EGF: variants seen among roughly 807,000 people sequenced by gnomAD.
EGF encodes the protein pro-epidermal growth factor.
A neutral mutation model predicts 143.8 loss-of-function variants in EGF; 95 were observed. That is an observed-to-expected ratio of 0.66 (90% confidence interval 0.56 to 0.78). EGF has a LOEUF of 0.78. EGF is among the 30% of genes least tolerant of loss of function. The pLI is 0.00. For missense variants in EGF, 1,320 were observed against 1,470.9 expected (o/e 0.90, Z 1.68); for synonymous variants, 510 against 510.5 (o/e 1.00, Z 0.01).
intron 10 of EGF, among the ~76,000 whole-genome samples, chr4:109,966,157 A>G (rs1326948422): frequency 1.3e-5 from 2 of 152,052 alleles, no homozygotes; most frequent in Non-Finnish European, 2.9e-5. Flanking sequence ...TCACCTGAAT[A>G]GTGAACATTG....
chr4:109,994,682 A>G lies in EGF; in HGVS notation c.2858-51A>G, dbSNP rs750521155. 26 of 1,597,692 alleles carry G rather than the reference A, an allele frequency of 1.6e-5. No individual in the cohort carries two copies. In the African/African-American group the frequency reaches 2.0e-4, roughly 12 times the overall value. On this transcript the variant is annotated intron_variant, in intron 19 of 23. Transcript: ENST00000265171. ...AACTAGTTCCTCATATTGATACTTGAAAGACACTAATCCATTCAGAAAGTA... is the reference window on the plus strand; with the variant it reads ...AACTAGTTCCTCATATTGATACTTGGAAGACACTAATCCATTCAGAAAGTA...
At chr4:109,989,945 A>G (rs1187574664) in intron 18 of EGF, among the ~76,000 whole-genome samples, 1 of 151,942 alleles carries the variant, frequency 6.6e-6, no homozygotes, top group Non-Finnish European at 1.5e-5. Context: ...CCCGCCCCAT[A>G]TATATATGTA....
At chr4:109,949,648 T>A (rs559017860) in intron 5 of EGF, among the ~76,000 whole-genome samples, 1 of 152,100 alleles carries the variant, frequency 6.6e-6, no homozygotes, top group East Asian at 1.9e-4. Flanking sequence ...CTAGACAAAT[T>A]TTTTTAAAAA....
chr4:109,968,703 TCTATCTACCTAC>T, intron 10 of EGF: 1 of 399,226 alleles, frequency 2.5e-6, no homozygotes, highest in Non-Finnish European at 4.4e-6. Context: ...TATCTATCTA[TCTATCTACCTAC>T]CTACCTACCT....
chr4:109,969,883 C>T (rs1404047347), intron 11 of EGF, among the ~76,000 whole-genome samples: 1 of 152,148 alleles, frequency 6.6e-6, no homozygotes, highest in Non-Finnish European at 1.5e-5. Context: ...TAGGGCCACA[C>T]ATAAATAATT....
chr4:109,962,112 T>C, intron 8 of EGF, 127 bp downstream of exon 8: 1 of 1,453,928 alleles, frequency 6.9e-7, no homozygotes, highest in East Asian at 2.4e-5. Context: ...AAAGATATTG[T>C]TACAACAGAT....
intron 1 of EGF, among the ~76,000 whole-genome samples, chr4:109,914,578 A>T (rs752599054): frequency 5.9e-5 from 9 of 152,198 alleles, no homozygotes; most frequent in Non-Finnish European, 1.3e-4. Flanking sequence ...AGGTGAGCAG[A>T]ACTCTAGGGT....
intron 15 of EGF, among the ~76,000 whole-genome samples, chr4:109,982,382 C>T (rs922179002): frequency 4.6e-5 from 7 of 151,818 alleles, no homozygotes; most frequent in Admixed American, 3.3e-4. Flanking sequence ...GGCTGGAGTG[C>T]AGTGGCAAGA....
intron 1 of EGF, among the ~76,000 whole-genome samples, chr4:109,918,255 GTT>G (rs36009201): frequency 9.1e-5 from 13 of 143,456 alleles, no homozygotes; most frequent in African/African-American, 2.6e-4. Context: ...GCTAGGTGTG[GTT>G]TTTTTTTTTT....
chr4:110,010,134 C>T (rs1324148184), intron 23 of EGF, among the ~76,000 whole-genome samples: 5 of 152,164 alleles, frequency 3.3e-5, no homozygotes, highest in African/African-American at 1.2e-4. Context: ...TGGTGCACAC[C>T]TGTAGTCCCA....
At chr4:109,966,521 T>C (rs1746627960) in intron 10 of EGF, among the ~76,000 whole-genome samples, 1 of 152,156 alleles carries the variant, frequency 6.6e-6, no homozygotes, top group African/African-American at 2.4e-5. Flanking sequence ...CAGGTGTCTT[T>C]TTGATATAAT....
chr4:109,992,765 C>T (rs1751163134), intron 18 of EGF, among the ~76,000 whole-genome samples: 1 of 151,876 alleles, frequency 6.6e-6, no homozygotes, highest in South Asian at 2.1e-4. Context: ...TACTATGCAA[C>T]CATAAAAAAT....
At chr4:109,978,417 T>C (rs1748837298) in intron 13 of EGF, among the ~76,000 whole-genome samples, 1 of 152,248 alleles carries the variant, frequency 6.6e-6, no homozygotes, top group Non-Finnish European at 1.5e-5. Context: ...ACACTATAGC[T>C]AATTCTAACA....
intron 7 of EGF, 42 bp from the exon 8 acceptor site, chr4:109,961,821 C>T (rs1578268815): frequency 6.2e-7 from 1 of 1,610,908 alleles, no homozygotes; most frequent in Non-Finnish European, 8.5e-7. Context: ...TTTTTGCAAA[C>T]CCGATTTAAC....
Position 110,004,568 on chromosome 4 carries a change from G to GAGTCGC in EGF, c.3240_3245dup (p.Ser1080_Arg1081dup). 1 of 1,614,046 alleles carries GAGTCGC rather than the reference G, an allele frequency of 6.2e-7. No homozygotes were observed. Among genetic ancestry groups the GAGTCGC allele is most frequent in the South Asian group, 1.1e-5 (1 of 91,076 alleles). ...ATGAGGAGTCGAGCAGAGATGTGAG[G>GAGTCGC]AGTCGCAGGCCTGCTGACACTGAGG... On this transcript the variant is annotated inframe_insertion, in exon 22 of 24. Transcript: ENST00000265171.
rs115396821 is a variant in EGF, at chr4:109,969,118, G to A, written c.1723G>A (p.Gly575Arg). The A allele has an allele frequency of 2.8e-3, 4,570 of 1,614,150 alleles. 6 individuals are homozygous for A. The highest frequency in any genetic ancestry group is 3.7e-3 in the Non-Finnish European group (4,330 of 1,180,016). ...CCGTAGATTCTATTGGACAGACAGAGGGTATGTTTTCTGCTTCAGTTTTAA... is the reference window on the plus strand; with the variant it reads ...CCGTAGATTCTATTGGACAGACAGAAGGTATGTTTTCTGCTTCAGTTTTAA... ...IGRRFYWTDR[G>R]KSLIGRSDLN... The change falls in exon 11 of 24, where the codon GGG becomes AGG. Residue 575 changes from glycine to arginine, a missense_variant and splice_region_variant. By Grantham distance (125) the Gly-to-Arg change is moderately radical (BLOSUM62 -2). Around this residue, in one of 5 missense-constraint regions of EGF, gnomAD observed 1,186 missense variants for 1,313.7 expected, o/e 0.90. Coordinates refer to ENST00000265171, the MANE Select transcript of EGF (RefSeq NM_001963.6).
At position 109,945,251 on chromosome 4, in the gene EGF, G is replaced by A; in HGVS notation, c.916G>A (p.Ala306Thr). The change falls in exon 5 of 24, where the codon GCA (alanine) becomes ACA (threonine). Residue 306 changes from alanine (A) to threonine (T), a missense_variant. Physicochemically the swap from Ala to Thr is moderately conservative, Grantham distance 58. This residue lies in a region of EGF where 1,186 missense variants were observed against 1,313.7 expected (regional missense o/e 0.90). Transcript: ENST00000265171. ...AGTGCATCCACTTGCACAACCCAAG[G>A]CAGAAGATGACACTTGGGAGCCTGG... ...KVVHPLAQPK[A>T]EDDTWEPEQK... 6.2e-7 allele frequency: 1 copy of A among 1,614,006 alleles called. No individual in the cohort carries two copies. Among genetic ancestry groups the A allele is most frequent in the Non-Finnish European group, 8.5e-7 (1 of 1,180,000 alleles).
chr4:109,922,553 G>T (rs1737984988), intron 1 of EGF, among the ~76,000 whole-genome samples: 1 of 151,664 alleles, frequency 6.6e-6, no homozygotes, highest in Non-Finnish European at 1.5e-5. Context: ...TCAAACAAAG[G>T]ATACATTTTA....
rs1482051595 is a variant in EGF, at chr4:109,912,941, A to G, written c.-395A>G. On this transcript the variant is annotated 5_prime_UTR_variant, in exon 1 of 24. Transcript: ENST00000265171. ...CTCCATATTTCTTCTTTCAGCCCCA[A>G]TCCAAGGGTTGTAGCTGGAACTTTC... The G allele has an allele frequency of 1.3e-5, 3 of 224,328 alleles. No individual in the cohort carries two copies. Among genetic ancestry groups the G allele is most frequent in the South Asian group, 6.9e-5 (1 of 14,394 alleles). 13.9% of individuals were successfully genotyped at this position (224,328 alleles called of 1,614,324 possible). A position where few individuals can be genotyped will look rare whatever the true frequency, so the allele number is the denominator to read the frequency against.
Sources: gnomAD v4.1 joint callset for allele counts (sites outside exome capture counted in the v4.1 genomes callset) on GRCh38, gnomAD v4.1.1 for gene constraint, gnomAD v4.1.1 regional missense constraint, MANE v1.5 for transcripts, NCBI Gene and HGNC (gene_info 2026-07-23, HGNC 2026-07-21) for gene names.